MMRN2: variants seen among roughly 807,000 people sequenced by gnomAD.
MMRN2 encodes the protein multimerin-2.
A neutral mutation model predicts 68.8 loss-of-function variants in MMRN2; 53 were observed. The observed-to-expected ratio is 0.77, with a 90% CI of 0.62 to 0.97. The LOEUF (loss-of-function observed/expected upper bound fraction) is 0.97, where lower values mean the gene tolerates loss of function less well. Among genes scored for constraint, MMRN2 ranks in the 50% least tolerant of loss-of-function variants. The pLI, the probability that MMRN2 is intolerant of heterozygous loss-of-function variation, is 0.00. For synonymous variants in MMRN2, 564 were observed against 551.6 expected (o/e 1.02, Z -0.32); for missense variants, 1,266 against 1,259.5 (o/e 1.01, Z -0.08).
chr10:86,955,162 G>A (rs556875701), intron 1 of MMRN2, among the ~76,000 whole-genome samples: 2 of 152,132 alleles, frequency 1.3e-5, no homozygotes, highest in Non-Finnish European at 2.9e-5. Context: ...ACCCCTCCAA[G>A]CTATCATAGC....
chr10:86,937,661 T>C (rs974503358), intron 6 of MMRN2, among the ~76,000 whole-genome samples: 1 of 152,176 alleles, frequency 6.6e-6, no homozygotes, highest in African/African-American at 2.4e-5. Context: ...CAAAACAGGT[T>C]GAATCCTTCA....
At chr10:86,956,173 C>G (rs552122000) in intron 1 of MMRN2, among the ~76,000 whole-genome samples, 2 of 151,594 alleles carry the variant, frequency 1.3e-5, no homozygotes, top group East Asian at 3.9e-4. Flanking sequence ...GCCCCACCAC[C>G]GAGAATCACC....
intron 5 of MMRN2, 59 bp downstream of exon 5, chr10:86,944,203 T>C (rs1388499177): frequency 1.3e-6 from 2 of 1,589,268 alleles, no homozygotes; most frequent in Admixed American, 3.4e-5. Flanking sequence ...AGCGGGGTCC[T>C]CCCCTCCTCC....
rs553974396 is a variant in MMRN2 at position 86,943,295 on chromosome 10, G to A, written c.1489C>T (p.Leu497Phe). Reference protein sequence around the residue: ...KYVKDCNCQKLYLDLDVIREG... With the variant: ...KYVKDCNCQKFYLDLDVIREG... ...CGGATGACGTCCAGGTCTAAATAGA[G>A]CTTCTGGCAATTGCAGTCCTTCACG... Residue 497 changes from leucine (L) to phenylalanine (F), a missense_variant, in exon 6 of 7, where the codon CTC becomes TTC. Leu to Phe is a conservative substitution (Grantham distance 22). Transcript: ENST00000372027. This position sits in a 1 kb window ranked among gnomAD's most constrained non-coding sequence, Gnocchi z 4.2. 11 of 1,613,790 alleles carry A rather than the reference G, an allele frequency of 6.8e-6. No individual in the cohort carries two copies. The African/African-American group carries it at 1.3e-4, about 20-fold the overall frequency.
chr10:86,942,549 C>G lies in MMRN2; in HGVS notation c.2235G>C (p.Glu745Asp), dbSNP rs1215045810. 1 of 1,613,424 alleles carries G rather than the reference C, an allele frequency of 6.2e-7. No homozygotes were observed. The change falls in exon 6 of 7, where the codon GAG becomes GAC. Residue 745 changes from glutamate (E) to aspartate (D), a missense_variant. Physicochemically the swap from Glu to Asp is conservative, Grantham distance 45. Transcript: ENST00000372027. ...GGCTGTGGAAGAGCCGCTGGTGCTG[C>G]TCCAAGCTGCGCTGAGTGGCGAAGA... ...NALFATQRSLEQHQRLFHSLF... is the reference protein window; with the variant it reads ...NALFATQRSLDQHQRLFHSLF...
In MMRN2 at chr10:86,942,687, C is replaced by T. The variant is rs561519774; in HGVS notation, c.2097G>A (p.Arg699=). 91 of 1,572,820 alleles carry T rather than the reference C, an allele frequency of 5.8e-5. No homozygotes were observed. In the East Asian group the frequency reaches 2.0e-3, roughly 34 times the overall value. ...CGTCGTTGCTCAGGCTCTGGAGCTCCCGCGCCAGCCCGGCCAGGGCGGTGG... is the reference window on the plus strand; with the variant it reads ...CGTCGTTGCTCAGGCTCTGGAGCTCTCGCGCCAGCCCGGCCAGGGCGGTGG... ...AATTALAGLA[R]ELQSLSNDVK... The change falls in exon 6 of 7, where the codon CGG becomes CGA. Residue 699 remains arginine (R), a synonymous_variant. Transcript: ENST00000372027.
chr10:86,946,598 C>A (rs913945214), intron 1 of MMRN2, among the ~76,000 whole-genome samples: 14 of 152,208 alleles, frequency 9.2e-5, no homozygotes, highest in Admixed American at 9.2e-4. Flanking sequence ...GGGGGACACT[C>A]ATGCTGACAG....
chr10:86,956,170 C>A lies in MMRN2; in HGVS notation c.164+1208G>T, dbSNP rs137911003. On this transcript the variant is annotated intron_variant, in intron 1 of 6. Transcript: ENST00000372027. ...CCCCCTGCTCCCCTTGCCGCCCCACCACCGAGAATCACCTGCACCTCCCAG... is the reference window on the plus strand; with the variant it reads ...CCCCCTGCTCCCCTTGCCGCCCCACAACCGAGAATCACCTGCACCTCCCAG... Among the ~76,000 whole-genome samples the A allele has an allele frequency of 7.7e-4, 117 of 151,710 alleles. 2 individuals are homozygous for A. In the East Asian group the frequency reaches 0.022, roughly 29 times the overall value.
At position 86,945,365 on chromosome 10, in the gene MMRN2, C is replaced by T. The variant is rs754928806; in HGVS notation, c.400+5G>A. 3.1e-6 allele frequency: 5 copies of T among 1,597,614 alleles called. No individual in the cohort carries two copies. The highest frequency in any genetic ancestry group is 4.3e-6 in the Non-Finnish European group (5 of 1,171,774). Reference sequence around the variant, plus strand: ...AGGGGGGAAGGGGGCCGCAGGGAGCCCTACCGTGGTGCTCGCAGTTGGGGC... The same window carrying T: ...AGGGGGGAAGGGGGCCGCAGGGAGCTCTACCGTGGTGCTCGCAGTTGGGGC... On this transcript the variant is annotated splice_donor_5th_base_variant and intron_variant, in intron 3 of 6. Transcript: ENST00000372027.
Position 86,945,587 on chromosome 10 carries a change from A to C in MMRN2, c.267T>G (p.Ala89=). 1 of 1,606,918 alleles carries C rather than the reference A, an allele frequency of 6.2e-7. No individual in the cohort carries two copies. The highest frequency in any genetic ancestry group is 8.5e-7 in the Non-Finnish European group (1 of 1,176,710). ...IHSQQPCPQG[A]PDCQKVKVMY... ...TGACTTTGACTTTCTGGCAGTCTGGAGCTCCCTGCGGACACGGCTGCTGCG... is the reference window on the plus strand; with the variant it reads ...TGACTTTGACTTTCTGGCAGTCTGGCGCTCCCTGCGGACACGGCTGCTGCG... The change falls in exon 2 of 7, where the codon GCT becomes GCG. Residue 89 remains alanine, a synonymous_variant. Transcript: ENST00000372027.
In MMRN2 at chr10:86,942,804, G is replaced by C; in HGVS notation, c.1980C>G (p.Ala660=). ...AGGCCTGCTCCAGGGCCGTCACTCG[G>C]GCGGCCAGCTCGTCCCAGCCGAGCG... is the stretch of plus-strand genomic sequence containing the variant. ...EQALGWDELA[A]RVTALEQASE... The change falls in exon 6 of 7, where the codon GCC becomes GCG. Residue 660 remains alanine (A), a synonymous_variant. Coordinates refer to ENST00000372027, the MANE Select transcript of MMRN2 (RefSeq NM_024756.3). The C allele has an allele frequency of 7.4e-7, 1 of 1,359,090 alleles. No homozygotes were observed. Among genetic ancestry groups the C allele is most frequent in the Non-Finnish European group, 9.5e-7 (1 of 1,057,658 alleles). 84.2% of individuals were successfully genotyped at this position (1,359,090 alleles called of 1,614,324 possible).
chr10:86,942,456 C>A lies in MMRN2; in HGVS notation c.2328G>T (p.Met776Ile). 6.2e-7 allele frequency: 1 copy of A among 1,614,180 alleles called. No individual in the cohort carries two copies. Among genetic ancestry groups the A allele is most frequent in the Non-Finnish European group, 8.5e-7 (1 of 1,180,030 alleles). Residue 776 changes from methionine to isoleucine, a missense_variant, in exon 6 of 7, where the codon ATG becomes ATT. Met to Ile is a conservative substitution (Grantham distance 10, BLOSUM62 1). Coordinates refer to ENST00000372027, the MANE Select transcript of MMRN2 (RefSeq NM_024756.3). ...GCTGCTTCTTCCCTTTCCTGCTCAG[C>A]ATGGTCTGCAGCTTCCCCAGGTCCA... Reference protein sequence around the residue: ...VSLDLGKLQTMLSRKGKKQQK... With the variant: ...VSLDLGKLQTILSRKGKKQQK...
In MMRN2 at chr10:86,943,827, G is replaced by C. The variant is rs1564732328; in HGVS notation, c.957C>G (p.His319Gln). The change falls in exon 6 of 7, where the codon CAC becomes CAG. Residue 319 changes from histidine to glutamine, a missense_variant. Physicochemically the swap from His to Gln is conservative, Grantham distance 24 (BLOSUM62 0). Transcript: ENST00000372027. This position sits in a 1 kb window ranked among gnomAD's most constrained non-coding sequence, Gnocchi z 4.2. ...QDVEDRLHAQHFTLHRSISEL... is the reference protein window; with the variant it reads ...QDVEDRLHAQQFTLHRSISEL... ...CTGAGATCGAGCGGTGCAGGGTAAA[G>C]TGCTGGGCGTGCAGGCGGTCCTCCA... 1.9e-6 allele frequency: 3 copies of C among 1,612,210 alleles called. No homozygotes were observed. The East Asian group carries it at 6.7e-5, about 36-fold the overall frequency.
chr10:86,956,830 A>T (rs1328874769), intron 1 of MMRN2, among the ~76,000 whole-genome samples: 1 of 152,190 alleles, frequency 6.6e-6, no homozygotes, highest in African/African-American at 2.4e-5. Flanking sequence ...GTACACATAG[A>T]ATGTTGGAAA....
chr10:86,956,393 T>G (rs1333615676), intron 1 of MMRN2, among the ~76,000 whole-genome samples: 3 of 152,180 alleles, frequency 2.0e-5, no homozygotes, highest in Non-Finnish European at 4.4e-5. Flanking sequence ...AGGTCCGCTC[T>G]GCGATGGTGG....
At chr10:86,945,744 G>T (rs761696693) in intron 1 of MMRN2, 55 bp from the exon 2 acceptor site, 1 of 1,611,608 alleles carries the variant, frequency 6.2e-7, no homozygotes. Flanking sequence ...TCAACAGGGG[G>T]TGCCAGTGCA....
intron 1 of MMRN2, among the ~76,000 whole-genome samples, chr10:86,946,517 C>T (rs2133681763): frequency 6.6e-6 from 1 of 152,344 alleles, no homozygotes; most frequent in Non-Finnish European, 1.5e-5. Context: ...CACTCAGCAT[C>T]CCGCACACCT....
chr10:86,952,982 A>G (rs577801930), intron 1 of MMRN2, among the ~76,000 whole-genome samples: 1 of 152,280 alleles, frequency 6.6e-6, no homozygotes, highest in Non-Finnish European at 1.5e-5. Context: ...CCTTGCTAGG[A>G]AAAGAATTTA....
chr10:86,953,344 A>T (rs1191307910), intron 1 of MMRN2, among the ~76,000 whole-genome samples: 1 of 152,218 alleles, frequency 6.6e-6, no homozygotes, highest in East Asian at 1.9e-4. Flanking sequence ...TTCACAATTT[A>T]TGTTCAGAGA....
Sources: gnomAD v4.1 joint callset for allele counts (sites outside exome capture counted in the v4.1 genomes callset) on GRCh38, gnomAD v4.1.1 for gene constraint, Gnocchi (gnomAD v3.1) non-coding constraint, MANE v1.5 for transcripts, NCBI Gene and HGNC (gene_info 2026-07-23, HGNC 2026-07-21) for gene names.